Variants in BMPR1A observed in about 807,000 individuals in gnomAD.
The protein encoded by BMPR1A is bone morphogenetic protein receptor type-1A.
In BMPR1A, 7 loss-of-function variants were observed where a neutral mutation model predicts 66.0. The observed-to-expected ratio is 0.11, with a 90% confidence interval of 0.06 to 0.20. The LOEUF (loss-of-function observed/expected upper bound fraction) is 0.20. BMPR1A is among the 10% of genes least tolerant of loss of function. BMPR1A has a pLI of 1.00. For missense variants in BMPR1A, 408 were observed against 669.1 expected (o/e 0.61, Z 4.31); for synonymous variants, 200 against 229.7 (o/e 0.87, Z 1.17).
chr10:86,773,124 T>C lies in BMPR1A; in HGVS notation c.-268+16205T>C, dbSNP rs917662715. The stretch of plus-strand genomic sequence containing the variant: ...TGAAAATTTGGCTGTCTTATTCTAG[T>C]TATCTTTTTTTTTTTTTTTTCCTGA... On this transcript the variant is annotated intron_variant, in intron 1 of 12. Transcript: ENST00000372037. 3.6e-5 allele frequency among the ~76,000 whole-genome samples: 5 copies of C among 138,442 alleles called. No individual in the cohort carries two copies. In the South Asian group the frequency reaches 8.7e-4, roughly 24 times the overall value. 90.8% of individuals were successfully genotyped at this position (138,442 alleles called of 152,430 possible).
chr10:86,832,795 C>A (rs1370528776), intron 1 of BMPR1A, among the ~76,000 whole-genome samples: 1 of 152,112 alleles, frequency 6.6e-6, no homozygotes, highest in Middle Eastern at 3.2e-3. Flanking sequence ...GTGGTGATGA[C>A]AATTTATGTG....
rs754940959 is a variant in BMPR1A at position 86,919,491 on chromosome 10, T to G, written c.1166+22T>G. Reference sequence around the variant, plus strand: ...ACAGGTGAGTGGTTCTTTGCCCCACTGTTTTGAAATTATTTTAATTTCCAA... The same window carrying G: ...ACAGGTGAGTGGTTCTTTGCCCCACGGTTTTGAAATTATTTTAATTTCCAA... On this transcript the variant is annotated intron_variant, in intron 10 of 12. Coordinates refer to ENST00000372037, the MANE Select transcript of BMPR1A (RefSeq NM_004329.3). 3 of 1,612,048 alleles carry G rather than the reference T, an allele frequency of 1.9e-6. No individual in the cohort carries two copies. The East Asian group carries it at 6.7e-5, about 36-fold the overall frequency.
chr10:86,844,128 A>G (rs995480242), intron 2 of BMPR1A, among the ~76,000 whole-genome samples: 20 of 152,158 alleles, frequency 1.3e-4, no homozygotes, highest in Admixed American at 3.3e-4. Flanking sequence ...GTTTTACTGT[A>G]CTGTTGGTCT....
intron 1 of BMPR1A, among the ~76,000 whole-genome samples, chr10:86,771,286 T>C (rs1351209024): frequency 6.6e-6 from 1 of 152,246 alleles, no homozygotes; most frequent in Admixed American, 6.5e-5. Flanking sequence ...GTGTTTGAGA[T>C]TTTGAATTTT....
intron 2 of BMPR1A, among the ~76,000 whole-genome samples, chr10:86,868,650 AG>A (rs1456356379): frequency 6.6e-6 from 1 of 152,232 alleles, no homozygotes; most frequent in Admixed American, 6.5e-5. Flanking sequence ...GCTGCTGGCC[AG>A]CTTGTTGGAA....
intron 2 of BMPR1A, among the ~76,000 whole-genome samples, chr10:86,865,011 ATTTTG>A (rs1208075620): frequency 6.6e-6 from 1 of 151,934 alleles, no homozygotes; most frequent in Non-Finnish European, 1.5e-5. Flanking sequence ...CTTCAACACT[ATTTTG>A]TTTTATTTTT....
intron 1 of BMPR1A, among the ~76,000 whole-genome samples, chr10:86,763,563 C>T: frequency 6.6e-6 from 1 of 152,226 alleles, no homozygotes; most frequent in African/African-American, 2.4e-5. Context: ...AATGACATCA[C>T]TGGACTTCTG....
intron 1 of BMPR1A, among the ~76,000 whole-genome samples, chr10:86,758,474 T>G (rs905033342): frequency 6.6e-6 from 1 of 152,134 alleles, no homozygotes; most frequent in African/African-American, 2.4e-5. Flanking sequence ...CTCTGTCGTA[T>G]TTGGGTTCTT....
intron 1 of BMPR1A, among the ~76,000 whole-genome samples, chr10:86,802,665 A>G (rs1387961297): frequency 6.6e-6 from 1 of 152,032 alleles, no homozygotes; most frequent in Non-Finnish European, 1.5e-5. Context: ...GATACTTCTC[A>G]TTCATTAACC....
chr10:86,760,003 A>C, intron 1 of BMPR1A, among the ~76,000 whole-genome samples: 1 of 127,508 alleles, frequency 7.8e-6, no homozygotes, highest in East Asian at 2.2e-4. Flanking sequence ...ACTCTAAATC[A>C]AGTTCTCATC....
At position 86,900,270 on chromosome 10, in the gene BMPR1A, G is replaced by A. The variant is rs1038100411; in HGVS notation, c.530+144G>A. ...TGTAACTAGACTATAGTTCTCTTAA[G>A]GGAAAAGGACCTTACTACCAATTAA... is the stretch of plus-strand genomic sequence containing the variant. On this transcript the variant is annotated intron_variant, in intron 7 of 12. Coordinates refer to ENST00000372037, the MANE Select transcript of BMPR1A (RefSeq NM_004329.3). 1.5e-5 allele frequency: 12 copies of A among 775,344 alleles called. No individual in the cohort carries two copies. In the South Asian group the frequency reaches 2.0e-4, roughly 13 times the overall value. The allele number at this position is 775,344 out of a possible 1,614,324, so 48.0% of individuals were successfully genotyped here.
rs181965848 is a variant in BMPR1A at position 86,760,544 on chromosome 10, A to G, written c.-268+3625A>G. ...AGGCACTGTGGCTGGCCTTTATAGC[A>G]GTTTTTATACAAATATTAGTTTCAC... On this transcript the variant is annotated intron_variant, in intron 1 of 12. Transcript: ENST00000372037. Among the ~76,000 whole-genome samples, 234 of 151,988 alleles carry G rather than the reference A, an allele frequency of 1.5e-3. 1 individual carries two copies. The highest frequency in any genetic ancestry group is 5.1e-3 in the African/African-American group (210 of 41,476).
intron 1 of BMPR1A, among the ~76,000 whole-genome samples, chr10:86,772,034 A>G (rs1231696431): frequency 6.7e-6 from 1 of 149,570 alleles, no homozygotes; most frequent in Non-Finnish European, 1.5e-5. Flanking sequence ...TTTATCCAAA[A>G]TTCTTCCCAC....
At chr10:86,789,566 A>C (rs1841569749) in intron 1 of BMPR1A, among the ~76,000 whole-genome samples, 1 of 152,000 alleles carries the variant, frequency 6.6e-6, no homozygotes, top group South Asian at 2.1e-4. Flanking sequence ...TACAAAAATT[A>C]GCTGGGTGTG....
At chr10:86,883,788 A>G (rs1037560538) in intron 3 of BMPR1A, among the ~76,000 whole-genome samples, 5 of 152,052 alleles carry the variant, frequency 3.3e-5, no homozygotes, top group Admixed American at 3.3e-4. Flanking sequence ...AAAAACAAAA[A>G]GCAAAATTCC....
At chr10:86,839,468 C>T (rs112293212) in intron 2 of BMPR1A, among the ~76,000 whole-genome samples, 5 of 152,018 alleles carry the variant, frequency 3.3e-5, no homozygotes, top group African/African-American at 1.2e-4. Flanking sequence ...TGGCCTAAGC[C>T]TGTGATCCCA....
Position 86,759,957 on chromosome 10 carries a change from C to T in BMPR1A, c.-268+3038C>T, listed in dbSNP as rs12771301. On this transcript the variant is annotated intron_variant, in intron 1 of 12. Coordinates refer to ENST00000372037, the MANE Select transcript of BMPR1A (RefSeq NM_004329.3). ...TGTTATTTGGCTTTCACGTAGTTCTCCCCCCACCACCCCGCGACTCCACCC... is the reference window on the plus strand; with the variant it reads ...TGTTATTTGGCTTTCACGTAGTTCTTCCCCCACCACCCCGCGACTCCACCC... 0.26 allele frequency among the ~76,000 whole-genome samples: 35,961 copies of T among 139,430 alleles called. 5,897 individuals carry two copies. The highest frequency in any genetic ancestry group is 0.68 in the East Asian group (3,063 of 4,472). The allele number at this position is 139,430 out of a possible 152,430, so 91.5% of individuals were successfully genotyped here. A position where few individuals can be genotyped will look rare whatever the true frequency, so the allele number is the denominator to read the frequency against.
chr10:86,827,949 C>G (rs1235228694), intron 1 of BMPR1A, among the ~76,000 whole-genome samples: 2 of 152,118 alleles, frequency 1.3e-5, no homozygotes, highest in Admixed American at 6.6e-5. Flanking sequence ...ATCAGGAGTT[C>G]AAGACCAGCT....
chr10:86,837,249 G>GTGTGTGTGTGTGTCTGTGTGTC (rs1554883393), intron 1 of BMPR1A, among the ~76,000 whole-genome samples: 1 of 148,734 alleles, frequency 6.7e-6, no homozygotes, highest in South Asian at 2.2e-4. Flanking sequence ...GTGTGTGTCT[G>GTGTGTGTGTGTGTCTGTGTGTC]TGTGTGTGTG....
Sources: gnomAD v4.1 joint callset for allele counts (sites outside exome capture counted in the v4.1 genomes callset) on GRCh38, gnomAD v4.1.1 for gene constraint, MANE v1.5 for transcripts, NCBI Gene and HGNC (gene_info 2026-07-23, HGNC 2026-07-21) for gene names.